MECOM: variants seen among roughly 807,000 people sequenced by gnomAD.
MECOM encodes MDS1 and EVI1 complex locus, also known as histone-lysine N-methyltransferase MECOM.
Under a neutral mutation model 116.3 loss-of-function variants are expected in MECOM, and 13 were observed. That is an observed-to-expected ratio of 0.11 (90% CI 0.07 to 0.18). The LOEUF (loss-of-function observed/expected upper bound fraction) is 0.18. MECOM is among the 10% of genes least tolerant of loss of function. The probability of loss-of-function intolerance (pLI) is 1.00; values close to 1 mark genes in which losing one functional copy is unlikely to be tolerated. For missense variants in MECOM, 1,299 were observed against 1,509.0 expected, an observed-to-expected ratio of 0.86 and a Z score of 2.31; for synonymous variants, 528 against 535.2, an observed-to-expected ratio of 0.99 and a Z score of 0.19.
intron 1 of MECOM, among the ~76,000 whole-genome samples, chr3:169,471,197 G>T (rs1208822342): frequency 6.6e-6 from 1 of 151,980 alleles, no homozygotes; most frequent in East Asian, 1.9e-4. Context: ...TAGCCATGTT[G>T]CCCATGCTGG....
intron 1 of MECOM, among the ~76,000 whole-genome samples, chr3:169,499,483 T>A (rs1191196353): frequency 6.6e-6 from 1 of 151,948 alleles, no homozygotes; most frequent in Non-Finnish European, 1.5e-5. Flanking sequence ...ACCAGAATTC[T>A]GTATCCAGTT....
chr3:169,386,018 TG>T (rs769988107), intron 1 of MECOM, among the ~76,000 whole-genome samples: 22 of 152,242 alleles, frequency 1.4e-4, no homozygotes, highest in Non-Finnish European at 2.6e-4. Flanking sequence ...TTGTTGGATT[TG>T]AGACAAATGA....
At chr3:169,509,221 C>T (rs1755660495) in intron 1 of MECOM, among the ~76,000 whole-genome samples, 1 of 152,108 alleles carries the variant, frequency 6.6e-6, no homozygotes, top group Non-Finnish European at 1.5e-5. Flanking sequence ...CTGGTGTGAC[C>T]CTGGATAAAT....
intron 1 of MECOM, among the ~76,000 whole-genome samples, chr3:169,470,570 GA>G (rs1329979142): frequency 1.3e-5 from 2 of 152,196 alleles, no homozygotes; most frequent in East Asian, 3.8e-4. Flanking sequence ...ACAGGTGTAT[GA>G]GGGGGAGGGG....
At chr3:169,389,505 C>T in intron 1 of MECOM, 1 of 938,244 alleles carries the variant, frequency 1.1e-6, no homozygotes, top group African/African-American at 1.8e-5. Context: ...TAGCTATGTG[C>T]CTCTACTTTC....
intron 2 of MECOM, among the ~76,000 whole-genome samples, chr3:169,175,885 T>C (rs1039981357): frequency 3.3e-5 from 5 of 152,128 alleles, no homozygotes; most frequent in African/African-American, 1.2e-4. Flanking sequence ...AGGAGCTAAA[T>C]ATCACTAAGT....
At chr3:169,479,683 C>G (rs1052092506) in intron 1 of MECOM, among the ~76,000 whole-genome samples, 4 of 147,130 alleles carry the variant, frequency 2.7e-5, no homozygotes, top group Non-Finnish European at 6.0e-5. Flanking sequence ...AAAAATTTGC[C>G]TGATTCTCAG....
intron 2 of MECOM, among the ~76,000 whole-genome samples, chr3:169,171,062 T>C (rs1249768825): frequency 6.6e-6 from 1 of 152,222 alleles, no homozygotes; most frequent in Non-Finnish European, 1.5e-5. Context: ...CACTGTATGC[T>C]TATAAATTAT....
At chr3:169,560,750 C>A (rs1189601921) in intron 1 of MECOM, among the ~76,000 whole-genome samples, 1 of 151,828 alleles carries the variant, frequency 6.6e-6, no homozygotes, top group Non-Finnish European at 1.5e-5. Flanking sequence ...GGATATAGAC[C>A]ATGTGTGCAT....
At chr3:169,629,525 T>C (rs373610595) in intron 1 of MECOM, among the ~76,000 whole-genome samples, 23 of 152,152 alleles carry the variant, frequency 1.5e-4, no homozygotes, top group African/African-American at 5.3e-4. Flanking sequence ...AATAGTAAAC[T>C]AATAACAACT....
At chr3:169,173,055 G>A (rs1744672161) in intron 2 of MECOM, among the ~76,000 whole-genome samples, 1 of 151,802 alleles carries the variant, frequency 6.6e-6, no homozygotes, top group Non-Finnish European at 1.5e-5. Flanking sequence ...TTTTCATTTT[G>A]GCCCCATTCA....
At chr3:169,388,631 G>A (rs758291008) in intron 1 of MECOM, among the ~76,000 whole-genome samples, 11 of 152,224 alleles carry the variant, frequency 7.2e-5, no homozygotes, top group Non-Finnish European at 1.5e-4. Context: ...TGAATAGAAT[G>A]GGAACTGCTG....
intron 1 of MECOM, among the ~76,000 whole-genome samples, chr3:169,658,852 C>A (rs940113791): frequency 6.6e-6 from 1 of 152,048 alleles, no homozygotes; most frequent in Non-Finnish European, 1.5e-5. Context: ...GCGGAGGCAA[C>A]GCGCAGGGGG....
At chr3:169,650,435 C>G (rs905088112) in intron 1 of MECOM, among the ~76,000 whole-genome samples, 1 of 152,136 alleles carries the variant, frequency 6.6e-6, no homozygotes, top group African/African-American at 2.4e-5. Flanking sequence ...GCCTGAAACT[C>G]TGACAACTTA....
intron 2 of MECOM, chr3:169,146,923 G>A: frequency 2.0e-6 from 2 of 1,025,544 alleles, no homozygotes; most frequent in Non-Finnish European, 2.3e-6. Flanking sequence ...ATGGGTCTCT[G>A]ACAACTTTGT....
At chr3:169,194,895 T>G (rs1052170665) in intron 2 of MECOM, among the ~76,000 whole-genome samples, 1 of 151,860 alleles carries the variant, frequency 6.6e-6, no homozygotes, top group Non-Finnish European at 1.5e-5. Flanking sequence ...CATTTGAGAG[T>G]GCAAATAAGC....
chr3:169,589,403 A>G (rs1242363162), intron 1 of MECOM, among the ~76,000 whole-genome samples: 1 of 152,070 alleles, frequency 6.6e-6, no homozygotes, highest in East Asian at 1.9e-4. Context: ...CGGCCATCCC[A>G]TATCCCTACG....
chr3:169,368,703 A>G (rs1729590672), intron 2 of MECOM, among the ~76,000 whole-genome samples: 5 of 152,072 alleles, frequency 3.3e-5, no homozygotes, highest in Admixed American at 3.3e-4. Context: ...GTCTCAATTA[A>G]GTATTCTAGA....
At chr3:169,378,200 A>G (rs1179147554) in intron 2 of MECOM, among the ~76,000 whole-genome samples, 2 of 151,566 alleles carry the variant, frequency 1.3e-5, no homozygotes, top group African/African-American at 4.9e-5. Context: ...GAGGGATAAC[A>G]TTATGAGAAA....
Sources: gnomAD v4.1 joint callset for allele counts (sites outside exome capture counted in the v4.1 genomes callset) on GRCh38, gnomAD v4.1.1 for gene constraint, MANE v1.5 for transcripts, NCBI Gene and HGNC (gene_info 2026-07-23, HGNC 2026-07-21) for gene names.